SGCZ: variants seen among roughly 807,000 people sequenced by gnomAD.
The protein encoded by SGCZ is zeta-sarcoglycan.
Under a neutral mutation model 41.3 loss-of-function variants are expected in SGCZ, and 40 were observed. The ratio of observed to expected loss-of-function variants is 0.97; its 90% CI spans 0.75 to 1.26. SGCZ has a LOEUF of 1.26. SGCZ is among the 50% of genes most tolerant of loss of function. The probability of loss-of-function intolerance (pLI) is 0.00; values close to 1 mark genes in which losing one functional copy is unlikely to be tolerated. For synonymous variants in SGCZ, 206 were observed against 137.5 expected, an observed-to-expected ratio of 1.50 and a Z score of -3.49; for missense variants, 552 against 369.8, an observed-to-expected ratio of 1.49 and a Z score of -4.04.
Position 14,090,064 on chromosome 8 carries a change from T to G in SGCZ, c.*379A>C, listed in dbSNP as rs2116947895. ...TTTTCTTACAGGGTTAACCATTTCA[T>G]CTTGCCATTGGATACTGGGAATTTC... On this transcript the variant is annotated 3_prime_UTR_variant, in exon 8 of 8. Coordinates refer to ENST00000382080, the MANE Select transcript of SGCZ (RefSeq NM_139167.4). 6.3e-6 allele frequency: 1 copy of G among 158,696 alleles called. No individual in the cohort carries two copies. Among genetic ancestry groups the G allele is most frequent in the Middle Eastern group, 3.1e-3 (1 of 324 alleles). 9.8% of individuals were successfully genotyped at this position (158,696 alleles called of 1,614,324 possible).
chr8:14,966,523 G>T (rs139608359), intron 1 of SGCZ, among the ~76,000 whole-genome samples: 10 of 151,894 alleles, frequency 6.6e-5, no homozygotes, highest in Admixed American at 6.6e-4. Context: ...TTAATTAAAC[G>T]TAACAAAAAT....
At chr8:14,382,345 G>A (rs1284044829) in intron 2 of SGCZ, among the ~76,000 whole-genome samples, 2 of 151,976 alleles carry the variant, frequency 1.3e-5, no homozygotes, top group Admixed American at 6.6e-5. Context: ...AAAGCCTGTG[G>A]GAATGAACTC....
At chr8:14,576,560 T>A (rs1391530408) in intron 1 of SGCZ, among the ~76,000 whole-genome samples, 1 of 152,222 alleles carries the variant, frequency 6.6e-6, no homozygotes, top group African/African-American at 2.4e-5. Flanking sequence ...ATTTTTAGAA[T>A]TGATTTTATA....
chr8:14,759,082 G>A (rs1585236814), intron 1 of SGCZ, among the ~76,000 whole-genome samples: 1 of 152,012 alleles, frequency 6.6e-6, no homozygotes, highest in African/African-American at 2.4e-5. Context: ...AACTGTATGG[G>A]GAAAGTGTGC....
chr8:15,054,572 C>T (rs1293848646), intron 1 of SGCZ, among the ~76,000 whole-genome samples: 1 of 152,136 alleles, frequency 6.6e-6, no homozygotes, highest in Non-Finnish European at 1.5e-5. Flanking sequence ...AACAGTTTAA[C>T]ATGCTGGCGT....
At chr8:14,533,376 G>T (rs1367100370) in intron 2 of SGCZ, among the ~76,000 whole-genome samples, 1 of 151,820 alleles carries the variant, frequency 6.6e-6, no homozygotes, top group African/African-American at 2.4e-5. Context: ...ATATTTAAAG[G>T]CTCAGTGGAA....
chr8:14,376,740 AAAC>A (rs1461123577), intron 2 of SGCZ, among the ~76,000 whole-genome samples: 2 of 152,236 alleles, frequency 1.3e-5, no homozygotes, highest in Non-Finnish European at 2.9e-5. Context: ...GAAAATTACC[AAAC>A]AACATTACCT....
Position 14,086,078 on chromosome 8 carries a change from T to A in SGCZ, c.*4365A>T, listed in dbSNP as rs189687936. On this transcript the variant is annotated 3_prime_UTR_variant, in exon 8 of 8. Coordinates refer to ENST00000382080, the MANE Select transcript of SGCZ (RefSeq NM_139167.4). ...TATTTTGTAGTGTTCATTACTGTAA[T>A]ATACACCAGTACATAGAGCAAATAA... is the stretch of plus-strand genomic sequence containing the variant. 1.3e-5 allele frequency among the ~76,000 whole-genome samples: 2 copies of A among 151,712 alleles called. No individual in the cohort carries two copies. The highest frequency in any genetic ancestry group is 3.0e-5 in the Non-Finnish European group (2 of 67,764).
intron 4 of SGCZ, among the ~76,000 whole-genome samples, chr8:14,195,696 A>G (rs2117057156): frequency 6.6e-6 from 1 of 152,294 alleles, no homozygotes; most frequent in Non-Finnish European, 1.5e-5. Flanking sequence ...AAAGATAAGG[A>G]AGGCAGCTGA....
chr8:14,560,777 G>T (rs1032445442), intron 1 of SGCZ, among the ~76,000 whole-genome samples: 3 of 151,970 alleles, frequency 2.0e-5, no homozygotes, highest in African/African-American at 7.2e-5. Context: ...TAAAGCAACA[G>T]AGATTTGGTA....
At chr8:14,345,030 G>A (rs949429515) in intron 2 of SGCZ, among the ~76,000 whole-genome samples, 1 of 152,066 alleles carries the variant, frequency 6.6e-6, no homozygotes, top group Non-Finnish European at 1.5e-5. Context: ...AAATGTACGT[G>A]TGCATATACA....
At chr8:14,369,274 C>T (rs189111464) in intron 2 of SGCZ, among the ~76,000 whole-genome samples, 5 of 152,084 alleles carry the variant, frequency 3.3e-5, no homozygotes, top group African/African-American at 1.2e-4. Flanking sequence ...TGCCATGTCT[C>T]TCCTTTGACT....
intron 2 of SGCZ, among the ~76,000 whole-genome samples, chr8:14,419,225 G>T (rs1159114645): frequency 6.6e-6 from 1 of 151,880 alleles, no homozygotes; most frequent in East Asian, 1.9e-4. Context: ...AGTTAGGCAA[G>T]TTAGCTAATG....
intron 1 of SGCZ, among the ~76,000 whole-genome samples, chr8:14,716,762 C>T (rs1030529809): frequency 6.6e-6 from 1 of 151,990 alleles, no homozygotes; most frequent in African/African-American, 2.4e-5. Flanking sequence ...TGATATTTTA[C>T]CTTTTATTTC....
intron 1 of SGCZ, among the ~76,000 whole-genome samples, chr8:14,936,533 C>G (rs1800090229): frequency 6.6e-6 from 1 of 151,808 alleles, no homozygotes; most frequent in Admixed American, 6.6e-5. Context: ...GTCACTTTTG[C>G]ACCACCATGA....
intron 1 of SGCZ, among the ~76,000 whole-genome samples, chr8:14,925,362 T>C (rs187476901): frequency 6.6e-6 from 1 of 152,322 alleles, no homozygotes; most frequent in East Asian, 1.9e-4. Flanking sequence ...TATTGCATTG[T>C]ACTCACAGCA....
intron 1 of SGCZ, among the ~76,000 whole-genome samples, chr8:14,999,820 C>A (rs1242392121): frequency 6.6e-6 from 1 of 152,104 alleles, no homozygotes; most frequent in Non-Finnish European, 1.5e-5. Context: ...AAGACAATCG[C>A]GGAACAGCAA....
chr8:14,273,746 T>A (rs1800133643), intron 3 of SGCZ, among the ~76,000 whole-genome samples: 1 of 152,046 alleles, frequency 6.6e-6, no homozygotes, highest in Admixed American at 6.6e-5. Flanking sequence ...ACAGGCAATA[T>A]CCAATGCAGC....
intron 2 of SGCZ, among the ~76,000 whole-genome samples, chr8:14,468,545 C>G (rs1279461578): frequency 6.6e-6 from 1 of 151,994 alleles, no homozygotes; most frequent in Non-Finnish European, 1.5e-5. Flanking sequence ...AAGGTGGTGC[C>G]TCATCTAACT....
Sources: gnomAD v4.1 joint callset for allele counts (sites outside exome capture counted in the v4.1 genomes callset) on GRCh38, gnomAD v4.1.1 for gene constraint, MANE v1.5 for transcripts, NCBI Gene and HGNC (gene_info 2026-07-23, HGNC 2026-07-21) for gene names.